Variants in DUSP22 observed in about 807,000 individuals in gnomAD.
DUSP22 encodes the protein dual specificity phosphatase 22, also known as dual specificity protein phosphatase 22.
A neutral mutation model predicts 24.5 loss-of-function variants in DUSP22; 24 were observed. The observed-to-expected ratio is 0.98, with a 90% confidence interval of 0.71 to 1.38. The LOEUF is 1.38. DUSP22 is among the 40% of genes most tolerant of loss of function. DUSP22 has a pLI of 0.00. For synonymous variants in DUSP22, 160 were observed against 106.4 expected, an observed-to-expected ratio of 1.50 and a Z score of -3.10; for missense variants, 330 against 269.2, an observed-to-expected ratio of 1.23 and a Z score of -1.58.
At chr6:332,984 G>A (rs1357185182) in intron 3 of DUSP22, among the ~76,000 whole-genome samples, 1 of 152,306 alleles carries the variant, frequency 6.6e-6, no homozygotes, top group Non-Finnish European at 1.5e-5. Context: ...GGTGGCTGCA[G>A]GAGGTGATCA....
At chr6:315,834 T>C (rs1231395030) in intron 3 of DUSP22, among the ~76,000 whole-genome samples, 1 of 152,310 alleles carries the variant, frequency 6.6e-6, no homozygotes, top group African/African-American at 2.4e-5. Flanking sequence ...AGAAGTGAGT[T>C]CATCCCAAGA....
rs538733576 is a variant in DUSP22, at chr6:345,546, T to G, written c.189-308T>G. 1.4e-3 allele frequency among the ~76,000 whole-genome samples: 209 copies of G among 152,354 alleles called. No individual in the cohort carries two copies. In the Middle Eastern group the frequency reaches 0.031, roughly 22 times the overall value. On this transcript the variant is annotated intron_variant, in intron 4 of 6. Coordinates refer to ENST00000419235, the MANE Select transcript of DUSP22 (RefSeq NM_001286555.3). Reference sequence around the variant, plus strand: ...TCCATTACCTGGTGGATTATTTGATTATAGCAAATAATAATGTAGTATATG... The same window carrying G: ...TCCATTACCTGGTGGATTATTTGATGATAGCAAATAATAATGTAGTATATG...
In DUSP22 at chr6:350,571, G is replaced by T. The variant is rs1760151078; in HGVS notation, c.*1620G>T. On this transcript the variant is annotated 3_prime_UTR_variant, in exon 7 of 7. Coordinates refer to ENST00000419235, the MANE Select transcript of DUSP22 (RefSeq NM_001286555.3). ...CAAAGTTGCCTGATTCCGCGCAGGT[G>T]CACAGGCCCCGGATGTACACCCGGA... is the stretch of plus-strand genomic sequence containing the variant. 3 of 1,398,802 alleles carry T rather than the reference G, an allele frequency of 2.1e-6. No individual in the cohort carries two copies. Among genetic ancestry groups the T allele is most frequent in the Non-Finnish European group, 2.8e-6 (3 of 1,079,500 alleles). 86.6% of individuals were successfully genotyped at this position (1,398,802 alleles called of 1,614,324 possible).
At chr6:339,311 C>T (rs984572684) in intron 4 of DUSP22, among the ~76,000 whole-genome samples, 1 of 152,308 alleles carries the variant, frequency 6.6e-6, no homozygotes, top group African/African-American at 2.4e-5. Context: ...TGTAAAATGC[C>T]TATCTCACAG....
chr6:347,130 C>T (rs577103566), intron 5 of DUSP22, among the ~76,000 whole-genome samples: 1 of 152,428 alleles, frequency 6.6e-6, no homozygotes, highest in African/African-American at 2.4e-5. Flanking sequence ...AATTCTGGAA[C>T]TCCCACTCCT....
At chr6:326,614 G>C in intron 3 of DUSP22, among the ~76,000 whole-genome samples, 1 of 152,296 alleles carries the variant, frequency 6.6e-6, no homozygotes, top group Non-Finnish European at 1.5e-5. Context: ...TGCTGTATCT[G>C]CTGGTAATTA....
intron 2 of DUSP22, among the ~76,000 whole-genome samples, 184 bp downstream of exon 2, chr6:304,845 A>C (rs1757748502): frequency 6.6e-6 from 1 of 152,278 alleles, no homozygotes; most frequent in Non-Finnish European, 1.5e-5. Context: ...TAAAACACCA[A>C]CTCCCCATTC....
rs1581199142 is a variant in DUSP22 at position 349,947 on chromosome 6, G to T, written c.*996G>T. ...CCTCTCGCTGTCCTCACTTTGCAGG[G>T]GCTCCTCCTCAACATTTGCATGCAC... On this transcript the variant is annotated 3_prime_UTR_variant, in exon 7 of 7. Coordinates refer to ENST00000419235, the MANE Select transcript of DUSP22 (RefSeq NM_001286555.3). 1 of 985,826 alleles carries T rather than the reference G, an allele frequency of 1.0e-6. No homozygotes were observed. The highest frequency in any genetic ancestry group is 1.2e-6 in the Non-Finnish European group (1 of 830,102). 61.1% of individuals were successfully genotyped at this position (985,826 alleles called of 1,614,324 possible). A position where few individuals can be genotyped will look rare whatever the true frequency, so the allele number is the denominator to read the frequency against.
intron 1 of DUSP22, among the ~76,000 whole-genome samples, chr6:302,282 T>C (rs1352884746): frequency 6.6e-6 from 1 of 152,308 alleles, no homozygotes; most frequent in African/African-American, 2.4e-5. Flanking sequence ...TTAGGCGTCG[T>C]ATTCCATTTC....
At chr6:323,529 C>T (rs2127405400) in intron 3 of DUSP22, among the ~76,000 whole-genome samples, 1 of 152,430 alleles carries the variant, frequency 6.6e-6, no homozygotes, top group East Asian at 1.9e-4. Context: ...AGGTTTTTCC[C>T]CGGCTAGTGG....
intron 1 of DUSP22, among the ~76,000 whole-genome samples, chr6:303,394 T>A (rs939368459): frequency 6.6e-6 from 1 of 152,300 alleles, no homozygotes; most frequent in Non-Finnish European, 1.5e-5. Flanking sequence ...GCTCTGGGCC[T>A]AGCACTGCCG....
chr6:299,674 A>C (rs1757494891), intron 1 of DUSP22, among the ~76,000 whole-genome samples: 1 of 152,304 alleles, frequency 6.6e-6, no homozygotes, highest in Non-Finnish European at 1.5e-5. Context: ...ACATTACTTA[A>C]AAATATTTAA....
At chr6:327,213 C>T (rs966750757) in intron 3 of DUSP22, among the ~76,000 whole-genome samples, 2 of 152,308 alleles carry the variant, frequency 1.3e-5, no homozygotes, top group Non-Finnish European at 2.9e-5. Context: ...CTGGGTAGCC[C>T]CCAGTTTAAT....
rs1760180591 is a variant in DUSP22 at position 350,944 on chromosome 6, GT to G, written c.*1996del. 10 of 1,568,820 alleles carry G rather than the reference GT, an allele frequency of 6.4e-6. No individual in the cohort carries two copies. Among genetic ancestry groups the G allele is most frequent in the Non-Finnish European group, 8.8e-6 (10 of 1,141,004 alleles). ...CTGCCAAAAAGAAAAGCAACATAGAGTTTAAGTATCCAGTAGTGATTTGTAA... is the reference window on the plus strand; with the variant it reads ...CTGCCAAAAAGAAAAGCAACATAGAGTTAAGTATCCAGTAGTGATTTGTAA... On this transcript the variant is annotated 3_prime_UTR_variant, in exon 7 of 7. Coordinates refer to ENST00000419235, the MANE Select transcript of DUSP22 (RefSeq NM_001286555.3).
At chr6:296,987 A>G (rs1290779140) in intron 1 of DUSP22, among the ~76,000 whole-genome samples, 1 of 152,298 alleles carries the variant, frequency 6.6e-6, no homozygotes, top group African/African-American at 2.4e-5. Context: ...CCTTCTCGGG[A>G]AGCCTCTCAT....
intron 3 of DUSP22, among the ~76,000 whole-genome samples, chr6:322,034 G>C (rs887387845): frequency 6.6e-6 from 1 of 152,300 alleles, no homozygotes; most frequent in Admixed American, 6.5e-5. Flanking sequence ...GTGAAGATTT[G>C]GGCATCACAG....
At chr6:336,396 C>G (rs1361330617) in intron 4 of DUSP22, among the ~76,000 whole-genome samples, 1 of 152,296 alleles carries the variant, frequency 6.6e-6, no homozygotes, top group Admixed American at 6.5e-5. Context: ...CCCTATGGAT[C>G]AGGAGTGCAG....
intron 3 of DUSP22, among the ~76,000 whole-genome samples, chr6:315,117 G>T (rs1303956147): frequency 6.6e-6 from 1 of 152,298 alleles, no homozygotes; most frequent in Non-Finnish European, 1.5e-5. Flanking sequence ...GTCAGCCAAG[G>T]GAAAAAGGCC....
intron 1 of DUSP22, among the ~76,000 whole-genome samples, chr6:296,299 G>A (rs1258751412): frequency 6.6e-6 from 1 of 152,298 alleles, no homozygotes. Context: ...TTACCACATA[G>A]AGTAAGCCAC....
Sources: allele counts gnomAD v4.1 joint callset (sites outside exome capture counted in the v4.1 genomes callset), GRCh38; gene constraint gnomAD v4.1.1; transcripts MANE v1.5; gene names NCBI Gene and HGNC (gene_info 2026-07-23, HGNC 2026-07-21).